The following DNAH6 variants were observed in gnomAD, a reference collection of about 807,000 sequenced individuals.
The protein encoded by DNAH6 is dynein axonemal heavy chain 6.
DNAH6 carries 340 observed loss-of-function variants against 491.4 expected under a neutral mutation model. That is an observed-to-expected ratio of 0.69 (90% CI 0.63 to 0.76). The LOEUF is 0.76. Ranked by LOEUF, DNAH6 falls within the 30% of genes least tolerant of loss-of-function variation. The pLI is 0.00. For synonymous variants in DNAH6, 1,603 were observed against 1,686.1 expected (o/e 0.95, Z 1.21); for missense variants, 4,443 against 4,972.2 (o/e 0.89, Z 3.20).
At chr2:84,776,475 T>A (rs969806246) in intron 64 of DNAH6, among the ~76,000 whole-genome samples, 11 of 152,310 alleles carry the variant, frequency 7.2e-5, no homozygotes, top group African/African-American at 1.9e-4. Flanking sequence ...TGATCACAGA[T>A]CAGATAAAAA....
At chr2:84,638,171 T>A (rs566235909) in intron 31 of DNAH6, among the ~76,000 whole-genome samples, 9 of 152,210 alleles carry the variant, frequency 5.9e-5, no homozygotes, top group African/African-American at 2.2e-4. Context: ...ATTGATATAT[T>A]CACATTTTGT....
chr2:84,687,261 ATGT>A (rs1165490828), intron 44 of DNAH6, among the ~76,000 whole-genome samples: 7 of 152,144 alleles, frequency 4.6e-5, no homozygotes, highest in Non-Finnish European at 1.0e-4. Flanking sequence ...GCAGATAGCC[ATGT>A]TGTTTTACTA....
chr2:84,654,469 A>T (rs1690757469), intron 34 of DNAH6, among the ~76,000 whole-genome samples, 191 bp from the exon 35 acceptor site: 1 of 152,164 alleles, frequency 6.6e-6, no homozygotes, highest in Admixed American at 6.6e-5. Context: ...AATTTTTTTC[A>T]CCTTATACGT....
At chr2:84,711,305 A>T (rs1697024657) in intron 56 of DNAH6, among the ~76,000 whole-genome samples, 1 of 152,218 alleles carries the variant, frequency 6.6e-6, no homozygotes, top group Admixed American at 6.5e-5. Flanking sequence ...CCCTGGGCAC[A>T]AAAGAGATTG....
chr2:84,800,688 C>A (rs974296906), intron 70 of DNAH6, among the ~76,000 whole-genome samples: 1 of 151,634 alleles, frequency 6.6e-6, no homozygotes, highest in Non-Finnish European at 1.5e-5. Flanking sequence ...TTGAATCAAC[C>A]CAGTCAGAAA....
intron 75 of DNAH6, 86 bp from the exon 76 acceptor site, chr2:84,815,775 G>A: frequency 2.2e-6 from 2 of 914,948 alleles, no homozygotes; most frequent in Non-Finnish European, 3.3e-6. Flanking sequence ...AGAATTACCT[G>A]GTGAGGATGT....
chr2:84,563,806 T>C (rs1185888622), intron 11 of DNAH6, among the ~76,000 whole-genome samples: 1 of 152,198 alleles, frequency 6.6e-6, no homozygotes, highest in Non-Finnish European at 1.5e-5. Context: ...TTTTCTTGTT[T>C]TCTAGGAATT....
chr2:84,808,474 C>T lies in DNAH6; in HGVS notation c.11671C>T (p.Leu3891=), dbSNP rs1349051960. Residue 3891 remains leucine (L), a synonymous_variant, in exon 72 of 77, where the codon CTG becomes TTG. Coordinates refer to ENST00000389394, the MANE Select transcript of DNAH6 (RefSeq NM_001370.2). ...TTTTGTCAAGGATCTTCAAGGACGT[C>T]TGAACTCCTTGACCACCGTTCTTGG... is the stretch of plus-strand genomic sequence containing the variant. The part of the protein sequence containing the change: ...SLFVKDLQGR[L]NSLTTVLGQE... 45 of 1,550,684 alleles carry T rather than the reference C, an allele frequency of 2.9e-5. No homozygotes were observed. Among genetic ancestry groups the T allele is most frequent in the Non-Finnish European group, 3.5e-5 (40 of 1,146,770 alleles).
the DNAH6 span, among the ~76,000 whole-genome samples, chr2:84,496,271 A>C: frequency 6.6e-6 from 1 of 152,334 alleles, no homozygotes; most frequent in African/African-American, 2.4e-5. Flanking sequence ...TTTAAAAGTA[A>C]CTAATTTTTT....
intron 71 of DNAH6, among the ~76,000 whole-genome samples, chr2:84,808,126 T>C (rs1679609488): frequency 8.5e-6 from 1 of 117,438 alleles, no homozygotes. Context: ...AAAAAGTGTA[T>C]ATATATGTGT....
At position 84,547,604 on chromosome 2, in the gene DNAH6, C is replaced by A. The variant is rs1356168537; in HGVS notation, c.1178C>A (p.Pro393His). ...GTTCCTGATGACTGTGCATTTGGAC[C>A]TTTTGAGGGTATGAAGGGGAAAGAA... Reference protein sequence around the residue: ...GFVPDDCAFGPFEDYHKVQSS... With the variant: ...GFVPDDCAFGHFEDYHKVQSS... Residue 393 changes from proline (P) to histidine (H), a missense_variant, in exon 7 of 77, where the codon CCT becomes CAT. Around this residue, in one of 3 missense-constraint regions of DNAH6, gnomAD observed 2,977 missense variants for 3,296.6 expected, o/e 0.90. Coordinates refer to ENST00000389394, the MANE Select transcript of DNAH6 (RefSeq NM_001370.2). 10 of 1,551,804 alleles carry A rather than the reference C, an allele frequency of 6.4e-6. No individual in the cohort carries two copies. In the East Asian group the frequency reaches 2.4e-4, roughly 38 times the overall value.
intron 62 of DNAH6, among the ~76,000 whole-genome samples, chr2:84,740,581 G>A (rs1406988288): frequency 1.3e-5 from 2 of 152,150 alleles, no homozygotes; most frequent in Non-Finnish European, 2.9e-5. Flanking sequence ...TCTTTGGTGG[G>A]CTGCACTCTC....
intron 37 of DNAH6, among the ~76,000 whole-genome samples, chr2:84,667,414 A>T (rs1692243641): frequency 6.6e-6 from 1 of 152,232 alleles, no homozygotes; most frequent in Non-Finnish European, 1.5e-5. Flanking sequence ...AAAAAAATCA[A>T]ACAACCACAT....
intron 18 of DNAH6, among the ~76,000 whole-genome samples, chr2:84,603,243 C>T (rs936925561): frequency 4.0e-5 from 6 of 151,846 alleles, no homozygotes; most frequent in African/African-American, 1.5e-4. Flanking sequence ...CATGCCTCTT[C>T]TTCTACTTGG....
chr2:84,812,831 T>C (rs2105340124), intron 73 of DNAH6, among the ~76,000 whole-genome samples: 1 of 152,272 alleles, frequency 6.6e-6, no homozygotes, highest in Non-Finnish European at 1.5e-5. Context: ...ATAACTTTGC[T>C]GCTGTCTCCC....
chr2:84,463,801 CA>C, the DNAH6 span, among the ~76,000 whole-genome samples: 1 of 152,046 alleles, frequency 6.6e-6, no homozygotes, highest in Non-Finnish European at 1.5e-5. Flanking sequence ...CTCTCATTTG[CA>C]TTTTTTTCAT....
chr2:84,627,686 G>C (rs1429636014), intron 29 of DNAH6, among the ~76,000 whole-genome samples: 1 of 152,048 alleles, frequency 6.6e-6, no homozygotes, highest in Non-Finnish European at 1.5e-5. Context: ...ACTCTTTAAT[G>C]AGAAAAATAT....
chr2:84,502,803 G>A, the DNAH6 span, among the ~76,000 whole-genome samples: 1 of 152,082 alleles, frequency 6.6e-6, no homozygotes, highest in Non-Finnish European at 1.5e-5. Flanking sequence ...TGTGATGTAA[G>A]TATAGCAACT....
chr2:84,466,960 A>G, the DNAH6 span, among the ~76,000 whole-genome samples: 1 of 152,248 alleles, frequency 6.6e-6, no homozygotes, highest in Non-Finnish European at 1.5e-5. Context: ...TTTGGAACAC[A>G]TATACCAATA....
Sources: gnomAD v4.1 joint callset for allele counts (sites outside exome capture counted in the v4.1 genomes callset) on GRCh38, gnomAD v4.1.1 for gene constraint, gnomAD v4.1.1 regional missense constraint, MANE v1.5 for transcripts, NCBI Gene and HGNC (gene_info 2026-07-23, HGNC 2026-07-21) for gene names.